The following EXT2 variants were observed in gnomAD, a reference collection of about 807,000 sequenced individuals.
EXT2 encodes exostosin-2.
In EXT2, 53 loss-of-function variants were observed where a neutral mutation model predicts 81.6. The ratio of observed to expected loss-of-function variants is 0.65; its 90% CI spans 0.52 to 0.82. The LOEUF is 0.82. EXT2 is among the 40% of genes least tolerant of loss of function. The probability of loss-of-function intolerance (pLI) is 0.00; values close to 1 mark genes in which losing one functional copy is unlikely to be tolerated. For synonymous variants in EXT2, 320 were observed against 340.0 expected, an observed-to-expected ratio of 0.94 and a Z score of 0.65; for missense variants, 774 against 910.2, an observed-to-expected ratio of 0.85 and a Z score of 1.93.
At chr11:44,134,681 G>T (rs567515843) in intron 7 of EXT2, among the ~76,000 whole-genome samples, 4 of 152,206 alleles carry the variant, frequency 2.6e-5, no homozygotes, top group African/African-American at 9.6e-5. Flanking sequence ...AGACTGTATC[G>T]TTAGAAATGT....
chr11:44,209,659 T>A (rs1955624589), intron 10 of EXT2, among the ~76,000 whole-genome samples: 1 of 152,198 alleles, frequency 6.6e-6, no homozygotes, highest in South Asian at 2.1e-4. Flanking sequence ...GAACTACTAT[T>A]TTGTGGTGTT....
At chr11:44,153,623 A>G (rs1456733865) in intron 7 of EXT2, among the ~76,000 whole-genome samples, 3 of 152,144 alleles carry the variant, frequency 2.0e-5, no homozygotes, top group Admixed American at 1.3e-4. Flanking sequence ...TGAATTTTTC[A>G]TCATTATGAT....
chr11:44,153,216 CTT>C (rs1332900326), intron 7 of EXT2, among the ~76,000 whole-genome samples: 1 of 152,152 alleles, frequency 6.6e-6, no homozygotes, highest in Non-Finnish European at 1.5e-5. Context: ...TATTTTTACT[CTT>C]ATAGATCTTA....
intron 8 of EXT2, chr11:44,171,958 G>A: frequency 1.6e-6 from 1 of 623,394 alleles, no homozygotes; most frequent in Non-Finnish European, 2.8e-6. Flanking sequence ...TGTTTTAAGT[G>A]CTTAGAAAGA....
At chr11:44,215,392 T>G (rs752374872) in intron 10 of EXT2, among the ~76,000 whole-genome samples, 3 of 152,228 alleles carry the variant, frequency 2.0e-5, no homozygotes, top group Non-Finnish European at 4.4e-5. Context: ...TGCTTACTTT[T>G]GTCAGATTTT....
chr11:44,130,246 A>C, intron 7 of EXT2, 108 bp downstream of exon 7: 4 of 790,344 alleles, frequency 5.1e-6, no homozygotes, highest in Non-Finnish European at 9.0e-6. Flanking sequence ...TACTTCCTCC[A>C]CTAGATCAAC....
intron 3 of EXT2, among the ~76,000 whole-genome samples, chr11:44,112,540 C>A (rs917445188): frequency 6.6e-6 from 1 of 152,140 alleles, no homozygotes; most frequent in Non-Finnish European, 1.5e-5. Context: ...ATATTTTCTC[C>A]ATTATAATGT....
At chr11:44,213,534 A>T (rs925800327) in intron 10 of EXT2, among the ~76,000 whole-genome samples, 1 of 152,226 alleles carries the variant, frequency 6.6e-6, no homozygotes, top group African/African-American at 2.4e-5. Context: ...AAGACAGAAG[A>T]TATAAAGAAG....
At chr11:44,188,557 C>A (rs1005684559) in intron 8 of EXT2, among the ~76,000 whole-genome samples, 12 of 152,076 alleles carry the variant, frequency 7.9e-5, no homozygotes, top group African/African-American at 2.9e-4. Flanking sequence ...AGACACAAAC[C>A]CTGTCATAAG....
At chr11:44,155,351 A>G (rs1201657245) in intron 7 of EXT2, among the ~76,000 whole-genome samples, 17 of 151,804 alleles carry the variant, frequency 1.1e-4, no homozygotes, top group African/African-American at 4.1e-4. Flanking sequence ...TATTCCTGCC[A>G]TTTTGTTATT....
intron 1 of EXT2, among the ~76,000 whole-genome samples, chr11:44,100,064 C>G (rs1484621082): frequency 1.3e-5 from 2 of 152,190 alleles, no homozygotes; most frequent in Admixed American, 6.5e-5. Context: ...TCCAAAGGGA[C>G]AGCTCTGAAG....
At chr11:44,177,758 A>T (rs187614962) in intron 8 of EXT2, among the ~76,000 whole-genome samples, 1 of 152,334 alleles carries the variant, frequency 6.6e-6, no homozygotes, top group East Asian at 1.9e-4. Flanking sequence ...GGTAACACTA[A>T]TAAAGATACC....
At chr11:44,232,582 C>A (rs1036691439) in intron 11 of EXT2, 86 bp downstream of exon 11, 17 of 1,536,934 alleles carry the variant, frequency 1.1e-5, no homozygotes, top group Non-Finnish European at 1.5e-5. Flanking sequence ...TCATACCTGC[C>A]AAGAGGGCTT....
chr11:44,133,187 G>T (rs1590578464), intron 7 of EXT2, among the ~76,000 whole-genome samples: 1 of 152,094 alleles, frequency 6.6e-6, no homozygotes, highest in East Asian at 1.9e-4. Context: ...AGAGTTCTTT[G>T]GTTCTATAAC....
At position 44,097,773 on chromosome 11, in the gene EXT2, TAAATAAA is replaced by T. The variant is rs1411551960; in HGVS notation, c.-31+1922_-31+1928del. On this transcript the variant is annotated intron_variant, in intron 1 of 13. Transcript: ENST00000533608. ...GACTCCATCTCAAAAAATAAATAAA[TAAATAAA>T]TAAATAAATAAATAAATAAAATAAA... Among the ~76,000 whole-genome samples the T allele has an allele frequency of 5.2e-5, 3 of 57,416 alleles. No individual in the cohort carries two copies. In the Admixed American group the frequency reaches 8.7e-4, roughly 17 times the overall value. 37.7% of individuals were successfully genotyped at this position (57,416 alleles called of 152,430 possible).
At chr11:44,238,854 A>G (rs1956001615) in intron 13 of EXT2, among the ~76,000 whole-genome samples, 1 of 152,176 alleles carries the variant, frequency 6.6e-6, no homozygotes, top group African/African-American at 2.4e-5. Context: ...GAGAGCTTAG[A>G]ATGCTGGCCT....
chr11:44,096,392 G>T, intron 1 of EXT2: 3 of 1,457,034 alleles, frequency 2.1e-6, no homozygotes, highest in Non-Finnish European at 2.8e-6. Flanking sequence ...CGGGGACTGG[G>T]TGACCGGGAA....
intron 7 of EXT2, among the ~76,000 whole-genome samples, chr11:44,161,825 ATC>A (rs1372136488): frequency 1.3e-5 from 2 of 152,206 alleles, no homozygotes; most frequent in Non-Finnish European, 2.9e-5. Context: ...AGGGTACATC[ATC>A]TCTGTAGTAT....
chr11:44,214,355 C>T (rs1014073392), intron 10 of EXT2, among the ~76,000 whole-genome samples: 1 of 152,098 alleles, frequency 6.6e-6, no homozygotes, highest in African/African-American at 2.4e-5. Context: ...ACCTCGTGAT[C>T]CGCCCGCCTC....
Sources: gnomAD v4.1 joint callset for allele counts (sites outside exome capture counted in the v4.1 genomes callset) on GRCh38, gnomAD v4.1.1 for gene constraint, MANE v1.5 for transcripts, NCBI Gene and HGNC (gene_info 2026-07-23, HGNC 2026-07-21) for gene names.